The following DMD variants were observed in gnomAD, a reference collection of about 807,000 sequenced individuals.
DMD encodes the protein dystrophin.
In DMD, 63 loss-of-function variants were observed where a neutral mutation model predicts 330.1. The observed-to-expected ratio is 0.19, with a 90% CI of 0.16 to 0.24. The LOEUF (loss-of-function observed/expected upper bound fraction) is 0.24. Among genes scored for constraint, DMD ranks in the 10% least tolerant of loss-of-function variants. DMD has a pLI of 1.00. For synonymous variants in DMD, 1,223 were observed against 959.8 expected (o/e 1.27, Z -5.07); for missense variants, 3,344 against 2,684.1 (o/e 1.25, Z -5.43).
chrX:32,761,605 T>G (rs1479725923), intron 7 of DMD, among the ~76,000 whole-genome samples: 2 of 111,726 alleles, frequency 1.8e-5, no homozygotes, highest in African/African-American at 6.5e-5. Flanking sequence ...TGGAGTTACA[T>G]AAACTGTGTG....
intron 1 of DMD, among the ~76,000 whole-genome samples, chrX:33,276,171 T>C (rs1294926821): frequency 8.9e-6 from 1 of 111,935 alleles, no homozygotes; most frequent in Non-Finnish European, 1.9e-5. Context: ...GCTAGTTAAG[T>C]TTCTTTCAAG....
intron 7 of DMD, among the ~76,000 whole-genome samples, chrX:32,719,904 C>A (rs1183234415): frequency 9.1e-6 from 1 of 109,650 alleles, no homozygotes; most frequent in Non-Finnish European, 1.9e-5. Flanking sequence ...CGTTGTTATC[C>A]CAGCTTGCAT....
At chrX:32,491,129 T>C in intron 20 of DMD, 148 bp downstream of exon 20, 1 of 712,113 alleles carries the variant, frequency 1.4e-6, no homozygotes, top group Non-Finnish European at 2.2e-6. Flanking sequence ...AACAGATTTC[T>C]GTTGCTTACA....
Position 32,765,566 on chromosome X carries a change from A to G in DMD, c.649+43927T>C, listed in dbSNP as rs151250547. Among the ~76,000 whole-genome samples the G allele has an allele frequency of 4.5e-3, 504 of 111,877 alleles. 4 individuals carry two copies. The highest frequency in any genetic ancestry group is 0.016 in the African/African-American group (479 of 30,820). On this transcript the variant is annotated intron_variant, in intron 7 of 78. Coordinates refer to ENST00000357033, the MANE Select transcript of DMD (RefSeq NM_004006.3). ...GATATTTCTTTAGAGCAATGCAAGAATGGACTAACATATAGGAGTTCTTGG... is the reference window on the plus strand; with the variant it reads ...GATATTTCTTTAGAGCAATGCAAGAGTGGACTAACATATAGGAGTTCTTGG...
At chrX:32,709,970 CATGGTCTACACCCCCTGA>C (rs1056718875) in intron 7 of DMD, among the ~76,000 whole-genome samples, 5 of 111,069 alleles carry the variant, frequency 4.5e-5, no homozygotes, top group African/African-American at 1.6e-4. Context: ...GGTTCATTTT[CATGGTCTACACCCCCTGA>C]ATGTAGAGTA....
rs186962660 is a variant in DMD at position 32,393,320 on chromosome X, C to A, written c.4234-3139G>T. Reference sequence around the variant, plus strand: ...GTTGAAGAGAGACAAGGTGTGGAGACAGGGCACTGAAGAGCATAAGGAGTT... The same window carrying A: ...GTTGAAGAGAGACAAGGTGTGGAGAAAGGGCACTGAAGAGCATAAGGAGTT... On this transcript the variant is annotated intron_variant, in intron 30 of 78. Coordinates refer to ENST00000357033, the MANE Select transcript of DMD (RefSeq NM_004006.3). Among the ~76,000 whole-genome samples the A allele has an allele frequency of 3.6e-5, 4 of 110,755 alleles. No homozygotes were observed. In the Admixed American group the frequency reaches 3.9e-4, roughly 11 times the overall value.
chrX:31,606,042 G>A (rs1359564338), intron 55 of DMD, among the ~76,000 whole-genome samples: 1 of 111,425 alleles, frequency 9.0e-6, no homozygotes, highest in Non-Finnish European at 1.9e-5. Flanking sequence ...ACCAGGTGGA[G>A]GTAATGGAAT....
chrX:31,636,917 A>C (rs1434838796), intron 54 of DMD, among the ~76,000 whole-genome samples: 1 of 111,934 alleles, frequency 8.9e-6, no homozygotes, highest in Non-Finnish European at 1.9e-5. Flanking sequence ...TTATGAAATT[A>C]TACAAAGTTA....
At chrX:31,125,889 C>T (rs900917236) in intron 78 of DMD, among the ~76,000 whole-genome samples, 2 of 111,969 alleles carry the variant, frequency 1.8e-5, no homozygotes, top group African/African-American at 3.2e-5. Flanking sequence ...AAAAGATCAT[C>T]TTCTGAAGGG....
At chrX:31,684,493 T>C (rs755760506) in intron 52 of DMD, among the ~76,000 whole-genome samples, 2 of 111,971 alleles carry the variant, frequency 1.8e-5, no homozygotes, top group South Asian at 7.5e-4. Context: ...GGATGGTGTG[T>C]ACTTAGTTTT....
At chrX:31,228,244 C>G (rs1442292005) in intron 63 of DMD, among the ~76,000 whole-genome samples, 2 of 79,935 alleles carry the variant, frequency 2.5e-5, no homozygotes, top group Non-Finnish European at 4.8e-5. Context: ...TACCCTAAAA[C>G]TTAAAGTATA....
chrX:33,117,556 A>G (rs1320798952), intron 1 of DMD, among the ~76,000 whole-genome samples: 1 of 111,579 alleles, frequency 9.0e-6, no homozygotes, highest in African/African-American at 3.3e-5. Flanking sequence ...ATTACATTTT[A>G]TTGTTATAAC....
At chrX:32,960,713 A>C (rs1352769793) in intron 2 of DMD, among the ~76,000 whole-genome samples, 1 of 111,119 alleles carries the variant, frequency 9.0e-6, no homozygotes, top group Non-Finnish European at 1.9e-5. Context: ...ATAATAGTGT[A>C]TTACTGATTA....
At chrX:32,364,501 T>A in intron 36 of DMD, 81 bp downstream of exon 36, 1 of 1,078,545 alleles carries the variant, frequency 9.3e-7, no homozygotes, top group Non-Finnish European at 1.3e-6. Flanking sequence ...TATTAAGACG[T>A]CCTTAGTATC....
chrX:31,663,737 C>G (rs2081262535), intron 53 of DMD, among the ~76,000 whole-genome samples: 1 of 110,960 alleles, frequency 9.0e-6, no homozygotes, highest in African/African-American at 3.3e-5. Context: ...CTGCGGGGAC[C>G]TTCTCTAGAG....
chrX:33,082,887 C>T (rs2094951210), intron 1 of DMD, among the ~76,000 whole-genome samples: 1 of 112,329 alleles, frequency 8.9e-6, no homozygotes, highest in South Asian at 3.6e-4. Flanking sequence ...CACGTTCTAT[C>T]ACGTGATATC....
Position 31,283,889 on chromosome X carries a change from T to C in DMD, c.9225-22873A>G, listed in dbSNP as rs759793250. On this transcript the variant is annotated intron_variant, in intron 62 of 78. Transcript: ENST00000357033. The stretch of plus-strand genomic sequence containing the variant: ...TGACTCATGGATGCATTACTAGCAA[T>C]ACTTCTGCTCCAACCCAGATACAGA... Among the ~76,000 whole-genome samples, 71 of 111,878 alleles carry C rather than the reference T, an allele frequency of 6.3e-4. No homozygotes were observed. The South Asian group carries it at 7.5e-3, about 12-fold the overall frequency.
At chrX:32,934,447 T>C (rs1213899569) in intron 2 of DMD, among the ~76,000 whole-genome samples, 1 of 110,376 alleles carries the variant, frequency 9.1e-6, no homozygotes, top group Non-Finnish European at 1.9e-5. Context: ...ATCCCAGCTA[T>C]TCAGGAGGAT....
intron 2 of DMD, among the ~76,000 whole-genome samples, chrX:32,938,662 A>G (rs1454767168): frequency 8.9e-6 from 1 of 111,746 alleles, no homozygotes; most frequent in Non-Finnish European, 1.9e-5. Context: ...ATTTTAAACT[A>G]CTTGGATAAT....
Sources: allele counts gnomAD v4.1 joint callset (sites outside exome capture counted in the v4.1 genomes callset), GRCh38; gene constraint gnomAD v4.1.1; transcripts MANE v1.5; gene names NCBI Gene and HGNC (gene_info 2026-07-23, HGNC 2026-07-21).